MAOA: variants seen among roughly 807,000 people sequenced by gnomAD.
The protein encoded by MAOA is amine oxidase [flavin-containing] A.
MAOA carries 6 observed loss-of-function variants against 42.0 expected under a neutral mutation model. The observed-to-expected ratio is 0.14, with a 90% CI of 0.08 to 0.28. The LOEUF (loss-of-function observed/expected upper bound fraction) is 0.28, where lower values mean the gene tolerates loss of function less well. Among genes scored for constraint, MAOA ranks in the 10% least tolerant of loss-of-function variants. MAOA has a pLI of 1.00. For missense variants in MAOA, 262 were observed against 422.3 expected (o/e 0.62, Z 3.33); for synonymous variants, 140 against 154.0 (o/e 0.91, Z 0.67).
At chrX:43,719,609 C>T (rs2033772324) in intron 5 of MAOA, among the ~76,000 whole-genome samples, 1 of 110,304 alleles carries the variant, frequency 9.1e-6, no homozygotes, top group Admixed American at 9.6e-5. Flanking sequence ...ACCCACAGGG[C>T]AGGGGATAGA....
intron 5 of MAOA, among the ~76,000 whole-genome samples, chrX:43,720,340 A>G (rs2033779286): frequency 9.1e-6 from 1 of 109,643 alleles, no homozygotes; most frequent in Non-Finnish European, 1.9e-5. Flanking sequence ...GAAGGATGGT[A>G]TCTTCCAGAA....
chrX:43,688,288 CT>C (rs919810185), intron 2 of MAOA, among the ~76,000 whole-genome samples: 5 of 109,891 alleles, frequency 4.5e-5, no homozygotes, highest in Admixed American at 1.9e-4. Flanking sequence ...GGAGTTTTTG[CT>C]TTTTTTTTCG....
chrX:43,664,274 A>T (rs756416974), intron 1 of MAOA, among the ~76,000 whole-genome samples: 1 of 112,397 alleles, frequency 8.9e-6, no homozygotes, highest in East Asian at 2.8e-4. Context: ...ATTTGGGAGA[A>T]AACATTGGTG....
At position 43,744,510 on chromosome X, in the gene MAOA, T is replaced by C. The variant is rs2033985183; in HGVS notation, c.1581T>C (p.Ser527=). ...VLYKYKLLPR[S] is the part of the protein sequence containing the mutation. Reference sequence around the variant, plus strand: ...ACAAATACAAGCTCCTGCCACGGTCTTGAAGTTCTGTTCTTATGCTCTCTG... The same window carrying C: ...ACAAATACAAGCTCCTGCCACGGTCCTGAAGTTCTGTTCTTATGCTCTCTG... The change falls in exon 15 of 15, where the codon TCT becomes TCC. Residue 527 remains serine, a synonymous_variant. Coordinates refer to ENST00000338702, the MANE Select transcript of MAOA (RefSeq NM_000240.4). The C allele has an allele frequency of 5.0e-6, 6 of 1,210,614 alleles. No individual in the cohort carries two copies. Among genetic ancestry groups the C allele is most frequent in the Non-Finnish European group, 6.7e-6 (6 of 894,435 alleles).
At chrX:43,704,666 A>G (rs916584540) in intron 3 of MAOA, among the ~76,000 whole-genome samples, 3 of 111,581 alleles carry the variant, frequency 2.7e-5, no homozygotes, top group African/African-American at 9.8e-5. Context: ...TAAAAAAAAA[A>G]AGAAAAATTG....
At chrX:43,706,371 T>G (rs2033659211) in intron 3 of MAOA, among the ~76,000 whole-genome samples, 1 of 112,292 alleles carries the variant, frequency 8.9e-6, no homozygotes, top group African/African-American at 3.2e-5. Context: ...TCAATTATCT[T>G]TAATTACACA....
At chrX:43,685,856 T>A in intron 2 of MAOA, among the ~76,000 whole-genome samples, 1 of 111,988 alleles carries the variant, frequency 8.9e-6, no homozygotes, top group Non-Finnish European at 1.9e-5. Context: ...TTCTGAGTGC[T>A]CCCTTAGATG....
At chrX:43,683,386 T>G in intron 1 of MAOA, 127 bp from the exon 2 acceptor site, 1 of 534,996 alleles carries the variant, frequency 1.9e-6, no homozygotes, top group South Asian at 2.6e-5. Flanking sequence ...GGTCAGAATT[T>G]ATTAGAAAGA....
chrX:43,683,871 T>G (rs1206492564), intron 2 of MAOA, among the ~76,000 whole-genome samples: 3 of 111,031 alleles, frequency 2.7e-5, no homozygotes, highest in Admixed American at 1.9e-4. Context: ...ATTTCCATAC[T>G]AGAGACGTAA....
At chrX:43,660,250 T>C (rs1255035811) in intron 1 of MAOA, among the ~76,000 whole-genome samples, 2 of 111,684 alleles carry the variant, frequency 1.8e-5, no homozygotes, top group Non-Finnish European at 3.8e-5. Context: ...CAAAAGCTCT[T>C]GACCCCTGAA....
chrX:43,669,334 C>G (rs1329802964), intron 1 of MAOA, among the ~76,000 whole-genome samples: 1 of 110,077 alleles, frequency 9.1e-6, no homozygotes, highest in Non-Finnish European at 1.9e-5. Flanking sequence ...AAGAGAATTA[C>G]TTAAACCCAG....
At chrX:43,674,017 T>G (rs1247173554) in intron 1 of MAOA, among the ~76,000 whole-genome samples, 1 of 111,771 alleles carries the variant, frequency 8.9e-6, no homozygotes, top group Admixed American at 9.4e-5. Flanking sequence ...CTTTCTGTCT[T>G]GTTGATCTGT....
intron 9 of MAOA, among the ~76,000 whole-genome samples, chrX:43,735,613 T>C (rs1308741413): frequency 8.9e-6 from 1 of 112,768 alleles, no homozygotes; most frequent in African/African-American, 3.2e-5. Flanking sequence ...TGAGCTCCAA[T>C]GTTGTCCCAA....
chrX:43,740,537 A>C (rs2033952128), intron 10 of MAOA, 144 bp from the exon 11 acceptor site: 1 of 420,481 alleles, frequency 2.4e-6, no homozygotes, highest in Non-Finnish European at 3.9e-6. Flanking sequence ...TCATTTGTGC[A>C]GTTACAGAAG....
intron 1 of MAOA, among the ~76,000 whole-genome samples, chrX:43,679,967 C>T (rs1234461363): frequency 3.6e-5 from 4 of 111,895 alleles, no homozygotes; most frequent in Admixed American, 9.5e-5. Context: ...TGGCTGTGTT[C>T]CAGAAAACAT....
At chrX:43,719,941 G>C (rs186260976) in intron 5 of MAOA, among the ~76,000 whole-genome samples, 1 of 110,595 alleles carries the variant, frequency 9.0e-6, no homozygotes, top group East Asian at 2.9e-4. Context: ...GTGGTGCTTC[G>C]AGGGGGACAC....
At chrX:43,719,859 G>A (rs757612591) in intron 5 of MAOA, among the ~76,000 whole-genome samples, 47 of 109,905 alleles carry the variant, frequency 4.3e-4, no homozygotes, top group African/African-American at 1.2e-3. Flanking sequence ...GAAATGACCC[G>A]GAGGGGTAGT....
At chrX:43,679,420 C>T (rs1455248141) in intron 1 of MAOA, among the ~76,000 whole-genome samples, 2 of 108,944 alleles carry the variant, frequency 1.8e-5, no homozygotes, top group East Asian at 5.7e-4. Flanking sequence ...GAAAATCCTT[C>T]GCTTTTCAGA....
In MAOA at chrX:43,683,532, C is replaced by T. The variant is rs771174667; in HGVS notation, c.93C>T (p.Leu31=). 1.2e-5 allele frequency: 15 copies of T among 1,208,858 alleles called. No individual in the cohort carries two copies. Among genetic ancestry groups the T allele is most frequent in the Non-Finnish European group, 1.5e-5 (13 of 894,227 alleles). ...CTTTAGGACTATCTGCTGCCAAACTCTTGACTGAATATGGCGTTAGTGTTT... is the reference window on the plus strand; with the variant it reads ...CTTTAGGACTATCTGCTGCCAAACTTTTGACTGAATATGGCGTTAGTGTTT... The part of the protein sequence containing the change: ...GGISGLSAAK[L]LTEYGVSVLV... Residue 31 remains leucine, a synonymous_variant, in exon 2 of 15, where the codon CTC becomes CTT. Transcript: ENST00000338702.
Sources: allele counts gnomAD v4.1 joint callset (sites outside exome capture counted in the v4.1 genomes callset), GRCh38; gene constraint gnomAD v4.1.1; transcripts MANE v1.5; gene names NCBI Gene and HGNC (gene_info 2026-07-23, HGNC 2026-07-21).